The following ASXL3 variants were observed in gnomAD, a reference collection of about 807,000 sequenced individuals.
ASXL3 encodes the protein putative Polycomb group protein ASXL3.
A neutral mutation model predicts 170.6 loss-of-function variants in ASXL3; 34 were observed. That is an observed-to-expected ratio of 0.20 (90% CI 0.15 to 0.27). The LOEUF is 0.27. Among genes scored for constraint, ASXL3 ranks in the 10% least tolerant of loss-of-function variants. ASXL3 has a pLI of 1.00. For missense variants in ASXL3, 2,592 were observed against 2,695.3 expected, an observed-to-expected ratio of 0.96 and a Z score of 0.85; for synonymous variants, 1,002 against 989.1, an observed-to-expected ratio of 1.01 and a Z score of -0.24.
intron 8 of ASXL3, among the ~76,000 whole-genome samples, chr18:33,703,654 TC>T (rs1383875618): frequency 6.6e-6 from 1 of 151,298 alleles, no homozygotes; most frequent in East Asian, 2.0e-4. Context: ...GATAAATCAC[TC>T]CCCCCCAACC....
At chr18:33,689,663 G>T (rs1477763340) in intron 8 of ASXL3, among the ~76,000 whole-genome samples, 1 of 152,192 alleles carries the variant, frequency 6.6e-6, no homozygotes, top group African/African-American at 2.4e-5. Context: ...CTTGCATCCT[G>T]TTAGGTGGCA....
chr18:33,636,591 C>T (rs141681251), intron 2 of ASXL3, among the ~76,000 whole-genome samples: 43 of 152,070 alleles, frequency 2.8e-4, no homozygotes, highest in East Asian at 1.6e-3. Context: ...TTCAGGTGAA[C>T]GTAGTTGGGG....
intron 1 of ASXL3, among the ~76,000 whole-genome samples, chr18:33,585,895 C>T (rs1441635915): frequency 6.6e-6 from 1 of 152,050 alleles, no homozygotes; most frequent in Non-Finnish European, 1.5e-5. Flanking sequence ...CCAGAGAAAA[C>T]TAGATTATGA....
chr18:33,650,517 C>T (rs1452361759), intron 4 of ASXL3, among the ~76,000 whole-genome samples: 2 of 152,002 alleles, frequency 1.3e-5, no homozygotes, highest in Non-Finnish European at 2.9e-5. Context: ...AATATGGAGG[C>T]TGCAGGAGAT....
At chr18:33,669,159 T>C (rs1218729418) in intron 5 of ASXL3, among the ~76,000 whole-genome samples, 1 of 152,194 alleles carries the variant, frequency 6.6e-6, no homozygotes, top group African/African-American at 2.4e-5. Context: ...TATACAATGC[T>C]AGACAGATTG....
At chr18:33,656,118 C>T (rs1374168423) in intron 4 of ASXL3, among the ~76,000 whole-genome samples, 10 of 152,038 alleles carry the variant, frequency 6.6e-5, no homozygotes, top group African/African-American at 2.4e-4. Flanking sequence ...AAGACCCCGC[C>T]CTCTATTCAG....
At position 33,739,596 on chromosome 18, in the gene ASXL3, T is replaced by C. The variant is rs766703709; in HGVS notation, c.2192T>C (p.Val731Ala). Residue 731 changes from valine to alanine, a missense_variant, in exon 11 of 12, where the codon GTG becomes GCG. Transcript: ENST00000269197. The part of the protein sequence containing the change: ...DLPLTSETSS[V>A]SSMLLTSETT... ...CCTTTAACATCAGAAACTTCTTCAG[T>C]GTCTTCCATGCTTCTCACCTCTGAG... 9.3e-6 allele frequency: 15 copies of C among 1,613,904 alleles called. No individual in the cohort carries two copies. The highest frequency in any genetic ancestry group is 1.3e-5 in the Non-Finnish European group (15 of 1,179,898).
intron 1 of ASXL3, among the ~76,000 whole-genome samples, chr18:33,595,271 G>T (rs1208773469): frequency 6.6e-6 from 1 of 152,078 alleles, no homozygotes; most frequent in Non-Finnish European, 1.5e-5. Flanking sequence ...TGGGTCAAGT[G>T]CATATTTAAC....
In ASXL3 at chr18:33,738,837, A is replaced by G. The variant is rs1271636084; in HGVS notation, c.1433A>G (p.Glu478Gly). The G allele has an allele frequency of 6.2e-7, 1 of 1,613,636 alleles. No individual in the cohort carries two copies. ...ENHKTIPEFS[E>G]EAESLTNSHE... is the part of the protein sequence containing the mutation. Reference sequence around the variant, plus strand: ...CATAAGACAATACCTGAATTTTCTGAGGAGGCTGAAAGTCTAACCAATTCT... The same window carrying G: ...CATAAGACAATACCTGAATTTTCTGGGGAGGCTGAAAGTCTAACCAATTCT... Residue 478 changes from glutamate to glycine, a missense_variant, in exon 11 of 12, where the codon GAG becomes GGG. Glu to Gly is a moderately conservative substitution (Grantham distance 98). This residue lies in a region of ASXL3 where 2,246 missense variants were observed against 2,219.6 expected (regional missense o/e 1.01). Coordinates refer to ENST00000269197, the MANE Select transcript of ASXL3 (RefSeq NM_030632.3).
rs146878872 is a variant in ASXL3 at position 33,651,172 on chromosome 18, A to T, written c.355+4819A>T. 2.8e-4 allele frequency among the ~76,000 whole-genome samples: 42 copies of T among 152,230 alleles called. No individual in the cohort carries two copies. In the East Asian group the frequency reaches 7.2e-3, roughly 26 times the overall value. On this transcript the variant is annotated intron_variant, in intron 4 of 11. Transcript: ENST00000269197. ...TTATGATCCTAAACTTAAGACTTTG[A>T]CAAAGAGGAACCCTTGGCTTATCCC...
At chr18:33,686,781 G>A (rs2066604427) in intron 8 of ASXL3, among the ~76,000 whole-genome samples, 1 of 152,158 alleles carries the variant, frequency 6.6e-6, no homozygotes. Context: ...CTTGACAGAT[G>A]GGAAATGACA....
At chr18:33,664,164 T>TC (rs2066220284) in intron 5 of ASXL3, among the ~76,000 whole-genome samples, 1 of 152,102 alleles carries the variant, frequency 6.6e-6, no homozygotes, top group Non-Finnish European at 1.5e-5. Context: ...TGTACTTATA[T>TC]CCCCATTTTT....
At chr18:33,669,625 T>G (rs974475574) in intron 5 of ASXL3, among the ~76,000 whole-genome samples, 15 of 152,228 alleles carry the variant, frequency 9.9e-5, no homozygotes, top group Non-Finnish European at 1.5e-4. Context: ...GACATCGTTT[T>G]TTGATAGCAA....
intron 1 of ASXL3, among the ~76,000 whole-genome samples, chr18:33,592,972 A>G (rs1422198080): frequency 6.6e-6 from 1 of 152,156 alleles, no homozygotes; most frequent in East Asian, 1.9e-4. Context: ...TGCCTTACAA[A>G]ATAACTGCCT....
At chr18:33,598,368 G>A (rs1167682030) in intron 1 of ASXL3, among the ~76,000 whole-genome samples, 4 of 152,044 alleles carry the variant, frequency 2.6e-5, no homozygotes, top group Admixed American at 6.6e-5. Flanking sequence ...TATGTCCCAT[G>A]TTTGCTTTTA....
At chr18:33,742,557 GTCTT>G (rs1043167844) in intron 11 of ASXL3, among the ~76,000 whole-genome samples, 22 of 152,266 alleles carry the variant, frequency 1.4e-4, no homozygotes, top group Middle Eastern at 6.8e-3. Context: ...ATATCTTGAA[GTCTT>G]TCTTTTTAGC....
intron 8 of ASXL3, among the ~76,000 whole-genome samples, chr18:33,718,847 C>T (rs1002792397): frequency 1.3e-5 from 2 of 151,900 alleles, no homozygotes; most frequent in Non-Finnish European, 2.9e-5. Context: ...GTCATAGGTC[C>T]TTCCCATAAT....
intron 2 of ASXL3, among the ~76,000 whole-genome samples, chr18:33,640,353 TG>T (rs2065826796): frequency 6.6e-6 from 1 of 152,044 alleles, no homozygotes. Flanking sequence ...AGTTTCTTAT[TG>T]ACAATAATAT....
chr18:33,704,213 AC>A (rs2066922990), intron 8 of ASXL3, among the ~76,000 whole-genome samples: 1 of 151,888 alleles, frequency 6.6e-6, no homozygotes, highest in African/African-American at 2.4e-5. Context: ...CCTCACAAAA[AC>A]TCCTTTATAT....
Sources: allele counts gnomAD v4.1 joint callset (sites outside exome capture counted in the v4.1 genomes callset), GRCh38; gene constraint gnomAD v4.1.1; regional missense constraint gnomAD v4.1.1; transcripts MANE v1.5; gene names NCBI Gene and HGNC (gene_info 2026-07-23, HGNC 2026-07-21).